The following UBR3 variants were observed in gnomAD, a reference collection of about 807,000 sequenced individuals.
UBR3 encodes ubiquitin protein ligase E3 component n-recognin 3.
UBR3 carries 85 observed loss-of-function variants against 243.2 expected under a neutral mutation model. That is an observed-to-expected ratio of 0.35 (90% CI 0.29 to 0.42). UBR3 has a LOEUF of 0.42. Ranked by LOEUF, UBR3 falls within the 10% of genes least tolerant of loss-of-function variation. The pLI is 1.00. For synonymous variants in UBR3, 748 were observed against 799.8 expected (o/e 0.94, Z 1.09); for missense variants, 1,686 against 2,300.8 (o/e 0.73, Z 5.47).
Position 169,828,050 on chromosome 2 carries a change from C to A in UBR3, c.543C>A (p.Ser181Arg), listed in dbSNP as rs1044394165. Residue 181 changes from serine to arginine, a missense_variant and splice_region_variant, in exon 1 of 39, where the codon AGC (serine) becomes AGA (arginine). Transcript: ENST00000272793. Reference sequence around the variant, plus strand: ...GGGACAGCAACGTGATGCGGGAGAGCGGGTGAGTGGAGCCCTCCCCGCGGG... The same window carrying A: ...GGGACAGCAACGTGATGCGGGAGAGAGGGTGAGTGGAGCCCTCCCCGCGGG... Reference protein sequence around the residue: ...DCGDSNVMRESGFCKRHQIKS... With the variant: ...DCGDSNVMRERGFCKRHQIKS... The A allele has an allele frequency of 7.2e-7, 1 of 1,380,498 alleles. No homozygotes were observed. Among genetic ancestry groups the A allele is most frequent in the Non-Finnish European group, 9.4e-7 (1 of 1,061,372 alleles). 85.5% of individuals were successfully genotyped at this position (1,380,498 alleles called of 1,614,324 possible).
chr2:169,911,526 A>G (rs557981305), intron 10 of UBR3, among the ~76,000 whole-genome samples: 22 of 152,284 alleles, frequency 1.4e-4, no homozygotes, highest in Admixed American at 1.0e-3. Context: ...GTTAGCATGC[A>G]TACTGACTTT....
chr2:170,040,958 T>C lies in UBR3; in HGVS notation c.4633T>C (p.Leu1545=), dbSNP rs780567616. ...DVTSLLLIQI[L]MMPQPLRKDH... ...AACATCCCTTTTGCTCATCCAGATCTTAATGATGCCACAACCCTTACGCAA... is the reference window on the plus strand; with the variant it reads ...AACATCCCTTTTGCTCATCCAGATCCTAATGATGCCACAACCCTTACGCAA... The change falls in exon 32 of 39, where the codon TTA becomes CTA. Residue 1545 remains leucine, a synonymous_variant. Coordinates refer to ENST00000272793, the MANE Select transcript of UBR3 (RefSeq NM_172070.4). 1.9e-6 allele frequency: 3 copies of C among 1,613,422 alleles called. No individual in the cohort carries two copies. Among genetic ancestry groups the C allele is most frequent in the Non-Finnish European group, 2.5e-6 (3 of 1,179,628 alleles).
intron 3 of UBR3, among the ~76,000 whole-genome samples, chr2:169,876,212 C>T (rs1436015340): frequency 6.6e-6 from 1 of 151,296 alleles, no homozygotes; most frequent in African/African-American, 2.4e-5. Flanking sequence ...TCCCGAGTAG[C>T]TGGGACTACA....
intron 11 of UBR3, among the ~76,000 whole-genome samples, chr2:169,914,848 TTGTGTGTGTG>T (rs138233075): frequency 2.1e-5 from 2 of 93,626 alleles, no homozygotes; most frequent in African/African-American, 6.1e-5. Flanking sequence ...ATTTTATCTC[TTGTGTGTGTG>T]TGTGTGTGTG....
chr2:169,872,203 T>G (rs1176928788), intron 1 of UBR3, 33 bp from the exon 2 acceptor site: 5 of 1,403,310 alleles, frequency 3.6e-6, no homozygotes, highest in Non-Finnish European at 4.8e-6. Flanking sequence ...TGATTAGACA[T>G]TACTGTTAAT....
chr2:169,949,368 T>C (rs1251665830), intron 22 of UBR3: 1 of 372,952 alleles, frequency 2.7e-6, no homozygotes, highest in Non-Finnish European at 4.8e-6. Context: ...TTTCAGAAGG[T>C]TGAAAAGGAG....
chr2:170,011,098 G>A (rs2090068928), intron 29 of UBR3, among the ~76,000 whole-genome samples: 1 of 152,116 alleles, frequency 6.6e-6, no homozygotes, highest in Non-Finnish European at 1.5e-5. Flanking sequence ...TACAAGAAAT[G>A]AGAGGTCAAG....
intron 33 of UBR3, among the ~76,000 whole-genome samples, chr2:170,058,857 T>A (rs888703852): frequency 2.6e-5 from 4 of 152,212 alleles, no homozygotes; most frequent in African/African-American, 9.6e-5. Flanking sequence ...TAGGTTTTGT[T>A]GTTTTGTTTG....
intron 26 of UBR3, among the ~76,000 whole-genome samples, chr2:169,998,635 A>G (rs1289926813): frequency 6.6e-6 from 1 of 152,232 alleles, no homozygotes; most frequent in Admixed American, 6.5e-5. Context: ...ACCAGACTGT[A>G]TAGAGCAGAA....
At chr2:170,028,447 T>C (rs941349064) in intron 30 of UBR3, among the ~76,000 whole-genome samples, 2 of 151,872 alleles carry the variant, frequency 1.3e-5, no homozygotes, top group African/African-American at 2.4e-5. Context: ...TTAACTTTTT[T>C]CCTAGATTTA....
intron 8 of UBR3, among the ~76,000 whole-genome samples, chr2:169,899,515 C>A (rs2084728883): frequency 6.6e-6 from 1 of 151,468 alleles, no homozygotes; most frequent in African/African-American, 2.4e-5. Flanking sequence ...AATTTTTTTA[C>A]TTTTTAATTA....
intron 24 of UBR3, among the ~76,000 whole-genome samples, chr2:169,966,607 TGAGCATGGACTCTG>T (rs1431540487): frequency 6.6e-6 from 1 of 152,174 alleles, no homozygotes; most frequent in Non-Finnish European, 1.5e-5. Flanking sequence ...GTAGTGGTTG[TGAGCATGGACTCTG>T]GAGCCTGACT....
chr2:169,950,847 G>A (rs1206632027), intron 23 of UBR3, among the ~76,000 whole-genome samples: 1 of 151,002 alleles, frequency 6.6e-6, no homozygotes, highest in African/African-American at 2.4e-5. Flanking sequence ...TTGAAACTCT[G>A]CATAATTGTC....
chr2:169,916,462 C>T (rs1409099979), intron 11 of UBR3, among the ~76,000 whole-genome samples: 3 of 152,158 alleles, frequency 2.0e-5, no homozygotes, highest in East Asian at 1.9e-4. Context: ...TTTTCCCACA[C>T]GTGGACACCC....
intron 20 of UBR3, among the ~76,000 whole-genome samples, chr2:169,945,425 G>A (rs2086751841): frequency 6.6e-6 from 1 of 152,094 alleles, no homozygotes; most frequent in African/African-American, 2.4e-5. Context: ...ATTGTGGTAG[G>A]TTAGGTCTTA....
chr2:170,047,193 C>T (rs13007218), intron 32 of UBR3, among the ~76,000 whole-genome samples: 1 of 18,296 alleles, frequency 5.5e-5, no homozygotes, highest in African/African-American at 7.9e-5. Flanking sequence ...GTGGCGGTGT[C>T]GGGGGGGGGG....
intron 25 of UBR3, among the ~76,000 whole-genome samples, chr2:169,988,248 T>C (rs1163419992): frequency 1.3e-5 from 2 of 152,254 alleles, no homozygotes; most frequent in African/African-American, 2.4e-5. Flanking sequence ...TATTCATTAA[T>C]TTATTTCATA....
intron 10 of UBR3, among the ~76,000 whole-genome samples, chr2:169,909,396 CA>C: frequency 6.6e-6 from 1 of 151,926 alleles, no homozygotes; most frequent in South Asian, 2.1e-4. Context: ...GTAAATAGAC[CA>C]ATTAAGAGGC....
At chr2:169,944,739 T>C (rs1194510415) in intron 20 of UBR3, among the ~76,000 whole-genome samples, 2 of 152,180 alleles carry the variant, frequency 1.3e-5, no homozygotes, top group Non-Finnish European at 2.9e-5. Flanking sequence ...GCTCTGAAGT[T>C]ACTCAATTAA....
Sources: allele counts gnomAD v4.1 joint callset (sites outside exome capture counted in the v4.1 genomes callset), GRCh38; gene constraint gnomAD v4.1.1; transcripts MANE v1.5; gene names NCBI Gene and HGNC (gene_info 2026-07-23, HGNC 2026-07-21).